IMMP2L: variants seen among roughly 807,000 people sequenced by gnomAD.
The protein encoded by IMMP2L is inner mitochondrial membrane peptidase subunit 2, also known as mitochondrial inner membrane protease subunit 2.
In IMMP2L, 18 loss-of-function variants were observed where a neutral mutation model predicts 19.3. That is an observed-to-expected ratio of 0.93 (90% CI 0.64 to 1.38). The LOEUF (loss-of-function observed/expected upper bound fraction) is 1.38, where lower values mean the gene tolerates loss of function less well. Among genes scored for constraint, IMMP2L ranks in the 40% most tolerant of loss-of-function variants. IMMP2L has a pLI of 0.00. For synonymous variants in IMMP2L, 76 were observed against 73.0 expected, an observed-to-expected ratio of 1.04 and a Z score of -0.21; for missense variants, 233 against 218.2, an observed-to-expected ratio of 1.07 and a Z score of -0.43.
chr7:111,217,735 A>G (rs889608953), intron 3 of IMMP2L, among the ~76,000 whole-genome samples: 1 of 152,156 alleles, frequency 6.6e-6, no homozygotes, highest in African/African-American at 2.4e-5. Flanking sequence ...CCTTTACCTC[A>G]AAATTATGAT....
At chr7:111,102,712 C>T (rs2129580481) in intron 3 of IMMP2L, among the ~76,000 whole-genome samples, 1 of 151,526 alleles carries the variant, frequency 6.6e-6, no homozygotes, top group East Asian at 1.9e-4. Context: ...ATAGAATAAT[C>T]CAGCTTCTTC....
At chr7:111,294,308 G>A (rs1376089959) in intron 3 of IMMP2L, among the ~76,000 whole-genome samples, 2 of 151,820 alleles carry the variant, frequency 1.3e-5, no homozygotes, top group Non-Finnish European at 2.9e-5. Flanking sequence ...ATTACACCAG[G>A]AACATGGGCA....
intron 3 of IMMP2L, among the ~76,000 whole-genome samples, chr7:111,177,976 A>C (rs1807258594): frequency 6.6e-6 from 1 of 152,194 alleles, no homozygotes; most frequent in Admixed American, 6.6e-5. Flanking sequence ...ATTTGAAAAA[A>C]GAAAATATCA....
intron 3 of IMMP2L, among the ~76,000 whole-genome samples, chr7:111,288,100 G>C (rs1820695809): frequency 1.3e-5 from 2 of 151,972 alleles, no homozygotes; most frequent in South Asian, 4.1e-4. Flanking sequence ...CGTTCTTACT[G>C]TTGTTTCCAA....
intron 3 of IMMP2L, among the ~76,000 whole-genome samples, chr7:111,112,236 T>C (rs919771234): frequency 3.9e-5 from 6 of 152,116 alleles, no homozygotes; most frequent in African/African-American, 1.4e-4. Flanking sequence ...AGTGCTGGGA[T>C]TACAGGCATG....
At chr7:111,228,524 G>A (rs1163091134) in intron 3 of IMMP2L, among the ~76,000 whole-genome samples, 2 of 152,082 alleles carry the variant, frequency 1.3e-5, no homozygotes, top group Admixed American at 6.6e-5. Flanking sequence ...CTTGAGACCA[G>A]ATGGCCAAGA....
chr7:111,528,875 G>A (rs1421131455), intron 1 of IMMP2L, among the ~76,000 whole-genome samples: 1 of 152,078 alleles, frequency 6.6e-6, no homozygotes, highest in African/African-American at 2.4e-5. Context: ...TTATAAAGAG[G>A]AAACCATCAA....
intron 3 of IMMP2L, among the ~76,000 whole-genome samples, chr7:111,329,978 T>C (rs1432111183): frequency 6.6e-6 from 1 of 151,738 alleles, no homozygotes; most frequent in African/African-American, 2.4e-5. Flanking sequence ...GGCAAGACAC[T>C]GGCAAGAACA....
intron 3 of IMMP2L, among the ~76,000 whole-genome samples, chr7:111,051,042 G>A (rs2129572886): frequency 6.6e-6 from 1 of 152,310 alleles, no homozygotes; most frequent in South Asian, 2.1e-4. Context: ...TGTGGTTTAA[G>A]TTTTCTTATT....
intron 1 of IMMP2L, among the ~76,000 whole-genome samples, chr7:111,559,929 G>A (rs1356483805): frequency 6.6e-6 from 1 of 151,970 alleles, no homozygotes; most frequent in Non-Finnish European, 1.5e-5. Context: ...GTTGTGGGGT[G>A]GAGTGAGGAG....
chr7:111,175,575 A>T (rs1806957861), intron 3 of IMMP2L, among the ~76,000 whole-genome samples: 1 of 150,372 alleles, frequency 6.7e-6, no homozygotes, highest in Non-Finnish European at 1.5e-5. Context: ...TTTTTTAAAT[A>T]GTAGAAGAAG....
At chr7:110,896,507 GTCTTT>G (rs2129546704) in intron 4 of IMMP2L, among the ~76,000 whole-genome samples, 2 of 27,540 alleles carry the variant, frequency 7.3e-5, no homozygotes, top group Non-Finnish European at 1.1e-4. Flanking sequence ...TGGATTGTTT[GTCTTT>G]TTTAAAAATC....
intron 1 of IMMP2L, among the ~76,000 whole-genome samples, chr7:111,531,711 A>G (rs1847411183): frequency 6.6e-6 from 1 of 152,192 alleles, no homozygotes; most frequent in Non-Finnish European, 1.5e-5. Context: ...ATTAAGTAGA[A>G]GCTAAAGGCA....
chr7:111,090,935 C>T (rs1160045459), intron 3 of IMMP2L: 1 of 152,126 alleles, frequency 6.6e-6, no homozygotes, highest in African/African-American at 2.4e-5. Context: ...GAAAATGATA[C>T]CTAGGAAAAC....
In IMMP2L at chr7:111,021,171, A is replaced by G. The variant is rs17438332; in HGVS notation, c.240-57606T>C. Among the ~76,000 whole-genome samples the G allele has an allele frequency of 4.1e-3, 620 of 152,328 alleles. 3 individuals carry two copies. The highest frequency in any genetic ancestry group is 0.02 in the Middle Eastern group (6 of 294). On this transcript the variant is annotated intron_variant, in intron 3 of 5. Coordinates refer to ENST00000405709, the MANE Select transcript of IMMP2L (RefSeq NM_032549.4). ...TATTCCTTATACCAGGAAACTCCTA[A>G]AAAAGAGACTTGAGTTATAGGTTAG...
chr7:111,293,711 G>A (rs556724950), intron 3 of IMMP2L, among the ~76,000 whole-genome samples: 11 of 151,984 alleles, frequency 7.2e-5, no homozygotes, highest in East Asian at 5.8e-4. Context: ...AATAAGAGGA[G>A]AGCTAACATG....
intron 3 of IMMP2L, among the ~76,000 whole-genome samples, chr7:111,477,007 C>A (rs1425202987): frequency 1.3e-5 from 2 of 152,104 alleles, no homozygotes; most frequent in Non-Finnish European, 2.9e-5. Context: ...TTATTATATT[C>A]ACTATCCAGG....
chr7:111,444,558 T>C (rs1403979550), intron 3 of IMMP2L, among the ~76,000 whole-genome samples: 5 of 152,196 alleles, frequency 3.3e-5, no homozygotes, highest in Non-Finnish European at 7.3e-5. Context: ...CAAATAAGTG[T>C]TGAATTTTTT....
intron 3 of IMMP2L, among the ~76,000 whole-genome samples, chr7:111,205,156 C>T (rs1185270312): frequency 6.6e-6 from 1 of 152,062 alleles, no homozygotes; most frequent in Non-Finnish European, 1.5e-5. Context: ...GGTGGAAAGC[C>T]AAAAACAAAA....
Sources: allele counts gnomAD v4.1 joint callset (sites outside exome capture counted in the v4.1 genomes callset), GRCh38; gene constraint gnomAD v4.1.1; transcripts MANE v1.5; gene names NCBI Gene and HGNC (gene_info 2026-07-23, HGNC 2026-07-21).